The following SLC39A11 variants were observed in gnomAD, a reference collection of about 807,000 sequenced individuals.
The protein encoded by SLC39A11 is solute carrier family 39 member 11.
Under a neutral mutation model 36.1 loss-of-function variants are expected in SLC39A11, and 33 were observed. That is an observed-to-expected ratio of 0.91 (90% CI 0.69 to 1.22). The LOEUF (loss-of-function observed/expected upper bound fraction) is 1.22, where lower values mean the gene tolerates loss of function less well. Ranked by LOEUF, SLC39A11 falls within the 50% of genes most tolerant of loss-of-function variation. SLC39A11 has a pLI of 0.00. For missense variants in SLC39A11, 432 were observed against 430.3 expected (o/e 1.00, Z -0.03); for synonymous variants, 166 against 170.3 (o/e 0.97, Z 0.20).
At chr17:72,852,425 C>T (rs370445635) in intron 5 of SLC39A11, among the ~76,000 whole-genome samples, 4 of 152,050 alleles carry the variant, frequency 2.6e-5, no homozygotes, top group African/African-American at 9.7e-5. Context: ...GATGCCAGTC[C>T]TCCACTGGTC....
rs1157731533 is a variant in SLC39A11, at chr17:72,717,039, A to T, written c.671+19611T>A. Reference sequence around the variant, plus strand: ...CACACACACACATATACACATATAAAATATATATACACATATATACATATA... The same window carrying T: ...CACACACACACATATACACATATAATATATATATACACATATATACATATA... On this transcript the variant is annotated intron_variant, in intron 7 of 9. Coordinates refer to ENST00000255559, the MANE Select transcript of SLC39A11 (RefSeq NM_139177.4). Among the ~76,000 whole-genome samples the T allele has an allele frequency of 6.1e-3, 896 of 146,436 alleles. 8 individuals are homozygous for T. The highest frequency in any genetic ancestry group is 0.021 in the African/African-American group (832 of 38,908).
intron 5 of SLC39A11, among the ~76,000 whole-genome samples, chr17:72,938,387 A>G (rs1275336855): frequency 6.6e-6 from 1 of 152,182 alleles, no homozygotes; most frequent in Non-Finnish European, 1.5e-5. Context: ...TTCCTTCTCG[A>G]AGGCTGACTA....
At chr17:73,071,792 A>T (rs1237998568) in intron 3 of SLC39A11, among the ~76,000 whole-genome samples, 1 of 152,156 alleles carries the variant, frequency 6.6e-6, no homozygotes, top group African/African-American at 2.4e-5. Flanking sequence ...TGTTCCAACA[A>T]ATCTTTATTT....
At chr17:72,687,122 G>A (rs2071791508) in intron 7 of SLC39A11, among the ~76,000 whole-genome samples, 1 of 152,180 alleles carries the variant, frequency 6.6e-6, no homozygotes, top group African/African-American at 2.4e-5. Context: ...AAACTCCTAG[G>A]CTCAAGCCAT....
intron 4 of SLC39A11, among the ~76,000 whole-genome samples, chr17:73,029,669 C>T (rs2058678465): frequency 6.6e-6 from 1 of 151,978 alleles, no homozygotes. Flanking sequence ...GCAACCTCCA[C>T]CTCCCAGGTT....
chr17:72,960,838 C>CCCTT (rs2086565597), intron 4 of SLC39A11, among the ~76,000 whole-genome samples: 2 of 150,800 alleles, frequency 1.3e-5, no homozygotes, highest in African/African-American at 4.9e-5. Context: ...AAAAAAAAAA[C>CCCTT]CCTTCCTTTT....
intron 5 of SLC39A11, among the ~76,000 whole-genome samples, chr17:72,850,144 T>C (rs1023978902): frequency 6.6e-6 from 1 of 152,196 alleles, no homozygotes; most frequent in Admixed American, 6.5e-5. Context: ...CATCCATTCA[T>C]TCAGCGAACA....
chr17:73,037,490 G>C (rs2058960508), intron 3 of SLC39A11, among the ~76,000 whole-genome samples: 1 of 152,266 alleles, frequency 6.6e-6, no homozygotes, highest in Non-Finnish European at 1.5e-5. Context: ...AGAAGGTGCT[G>C]AGTACCAGGC....
At chr17:72,698,989 C>CCCGG (rs1328288713) in intron 7 of SLC39A11, among the ~76,000 whole-genome samples, 183 of 152,242 alleles carry the variant, frequency 1.2e-3, no homozygotes, top group Non-Finnish European at 1.8e-3. Context: ...CGCCACCACA[C>CCCGG]CTAGATAATT....
At chr17:72,766,559 A>T (rs1331410188) in intron 6 of SLC39A11, among the ~76,000 whole-genome samples, 1 of 152,054 alleles carries the variant, frequency 6.6e-6, no homozygotes, top group East Asian at 1.9e-4. Context: ...GGCCCTACTT[A>T]TCACTGCTTC....
intron 4 of SLC39A11, among the ~76,000 whole-genome samples, chr17:72,966,619 G>A (rs1274221915): frequency 2.6e-5 from 4 of 152,122 alleles, no homozygotes. Flanking sequence ...GCCCAGGCTG[G>A]AGTGCAGTGG....
chr17:72,691,813 G>C (rs1327798503), intron 7 of SLC39A11, among the ~76,000 whole-genome samples: 1 of 152,084 alleles, frequency 6.6e-6, no homozygotes, highest in Non-Finnish European at 1.5e-5. Context: ...AAGATTTCTG[G>C]ATCAGATCTT....
chr17:72,820,058 C>G (rs147400933), intron 6 of SLC39A11, among the ~76,000 whole-genome samples: 1 of 151,184 alleles, frequency 6.6e-6, no homozygotes, highest in East Asian at 1.9e-4. Flanking sequence ...CGATTGACAA[C>G]GAGCACGCCA....
Position 72,717,818 on chromosome 17 carries a change from GCTCT to G in SLC39A11, c.671+18828_671+18831del, listed in dbSNP as rs1336231362. On this transcript the variant is annotated intron_variant, in intron 7 of 9. Transcript: ENST00000255559. ...CAGGACAGGTCACTCTTGCTCTGTA[GCTCT>G]CCCTCGGAGTGACCCTGCACATCGG... Among the ~76,000 whole-genome samples the G allele has an allele frequency of 3.3e-5, 5 of 152,238 alleles. No homozygotes were observed. In the East Asian group the frequency reaches 9.7e-4, roughly 29 times the overall value.
intron 6 of SLC39A11, among the ~76,000 whole-genome samples, chr17:72,779,769 A>G (rs2076248331): frequency 6.6e-6 from 1 of 152,142 alleles, no homozygotes; most frequent in South Asian, 2.1e-4. Flanking sequence ...AGCTGCACCT[A>G]CATCTGTGGA....
Position 72,939,453 on chromosome 17 carries a change from G to A in SLC39A11, c.430+8299C>T, listed in dbSNP as rs1026266612. On this transcript the variant is annotated intron_variant, in intron 5 of 9. Transcript: ENST00000255559. ...CAGCCTGGTGACAGAGTAAGGTTCCGTCTCGAAAAAAAAAAAAGAATATGA... is the reference window on the plus strand; with the variant it reads ...CAGCCTGGTGACAGAGTAAGGTTCCATCTCGAAAAAAAAAAAAGAATATGA... 3.6e-4 allele frequency among the ~76,000 whole-genome samples: 16 copies of A among 44,396 alleles called. No homozygotes were observed. In the South Asian group the frequency reaches 6.8e-3, roughly 19 times the overall value. The allele number at this position is 44,396 out of a possible 152,430, so 29.1% of individuals were successfully genotyped here.
intron 3 of SLC39A11, among the ~76,000 whole-genome samples, chr17:73,051,425 C>A (rs1010847201): frequency 6.6e-6 from 1 of 152,012 alleles, no homozygotes; most frequent in African/African-American, 2.4e-5. Flanking sequence ...ATTTTCCAAC[C>A]CAAGGCAGAC....
chr17:72,989,883 T>C (rs2089045905), intron 4 of SLC39A11, among the ~76,000 whole-genome samples: 1 of 152,208 alleles, frequency 6.6e-6, no homozygotes, highest in Non-Finnish European at 1.5e-5. Flanking sequence ...TAGGATAAAA[T>C]GACTGCTCTC....
intron 5 of SLC39A11, among the ~76,000 whole-genome samples, chr17:72,933,761 C>G (rs1182136191): frequency 6.6e-6 from 1 of 152,134 alleles, no homozygotes; most frequent in Non-Finnish European, 1.5e-5. Context: ...CTCAAACGAT[C>G]CACCCGACTC....
Sources: allele counts gnomAD v4.1 joint callset (sites outside exome capture counted in the v4.1 genomes callset), GRCh38; gene constraint gnomAD v4.1.1; transcripts MANE v1.5; gene names NCBI Gene and HGNC (gene_info 2026-07-23, HGNC 2026-07-21).